The following ADAM10 variants were observed in gnomAD, a reference collection of about 807,000 sequenced individuals.
The protein encoded by ADAM10 is disintegrin and metalloproteinase domain-containing protein 10.
In ADAM10, 17 loss-of-function variants were observed where a neutral mutation model predicts 90.1. That is an observed-to-expected ratio of 0.19 (90% CI 0.13 to 0.28). ADAM10 has a LOEUF of 0.28. ADAM10 is among the 10% of genes least tolerant of loss of function. ADAM10 has a pLI of 1.00. For missense variants in ADAM10, 610 were observed against 914.3 expected (o/e 0.67, Z 4.29); for synonymous variants, 310 against 298.6 (o/e 1.04, Z -0.40).
At chr15:58,657,482 G>A (rs535978762) in intron 5 of ADAM10, among the ~76,000 whole-genome samples, 1 of 152,246 alleles carries the variant, frequency 6.6e-6, no homozygotes, top group African/African-American at 2.4e-5. Context: ...AAGAGACTCT[G>A]ATGCACTCTT....
intron 1 of ADAM10, among the ~76,000 whole-genome samples, chr15:58,718,723 GTTT>G (rs1898746025): frequency 6.6e-6 from 1 of 152,174 alleles, no homozygotes; most frequent in Non-Finnish European, 1.5e-5. Flanking sequence ...GCCTCAGGTA[GTTT>G]CCACATATGG....
intron 2 of ADAM10, among the ~76,000 whole-genome samples, chr15:58,700,680 G>A (rs1419508634): frequency 6.6e-6 from 1 of 151,978 alleles, no homozygotes; most frequent in Non-Finnish European, 1.5e-5. Flanking sequence ...AACTAGTAAA[G>A]CAAGAACAAA....
chr15:58,742,602 C>G (rs1405779856), intron 1 of ADAM10, among the ~76,000 whole-genome samples: 1 of 152,198 alleles, frequency 6.6e-6, no homozygotes, highest in Non-Finnish European at 1.5e-5. Context: ...GTCAGGCTAT[C>G]CTAATACTAA....
At chr15:58,669,569 G>A (rs1897149524) in intron 4 of ADAM10, among the ~76,000 whole-genome samples, 1 of 152,046 alleles carries the variant, frequency 6.6e-6, no homozygotes. Flanking sequence ...GTTTCCAAAT[G>A]CCCCCTCTCT....
At chr15:58,607,859 A>G (rs1185389782) in intron 14 of ADAM10, among the ~76,000 whole-genome samples, 1 of 152,192 alleles carries the variant, frequency 6.6e-6, no homozygotes, top group African/African-American at 2.4e-5. Context: ...GATACAGAAA[A>G]TCAGAACACA....
chr15:58,744,098 A>G (rs1282221350), intron 1 of ADAM10, among the ~76,000 whole-genome samples: 2 of 152,198 alleles, frequency 1.3e-5, no homozygotes, highest in Non-Finnish European at 2.9e-5. Flanking sequence ...CTGGTTATTC[A>G]TCAGTTTTTT....
intron 1 of ADAM10, chr15:58,748,355 G>A (rs1899858345): frequency 6.6e-6 from 1 of 152,174 alleles, no homozygotes; most frequent in Non-Finnish European, 1.5e-5. Context: ...CTCATCCAAA[G>A]CATTCCTCAA....
intron 15 of ADAM10, among the ~76,000 whole-genome samples, chr15:58,598,366 AT>A (rs1895014168): frequency 6.6e-6 from 1 of 152,220 alleles, no homozygotes; most frequent in South Asian, 2.1e-4. Context: ...AAATACTAAC[AT>A]AAGTTCCAGA....
chr15:58,647,248 A>ATTTCTTTT lies in ADAM10; in HGVS notation c.586-1045_586-1044insAAAAGAAA, dbSNP rs1162350060. Among the ~76,000 whole-genome samples, 46 of 59,600 alleles carry ATTTCTTTT rather than the reference A, an allele frequency of 7.7e-4. 5 individuals are homozygous for ATTTCTTTT. The highest frequency in any genetic ancestry group is 2.3e-3 in the African/African-American group (42 of 18,644). 39.1% of individuals were successfully genotyped at this position (59,600 alleles called of 152,430 possible). A position where few individuals can be genotyped will look rare whatever the true frequency, so the allele number is the denominator to read the frequency against. On this transcript the variant is annotated intron_variant, in intron 5 of 15. Coordinates refer to ENST00000260408, the MANE Select transcript of ADAM10 (RefSeq NM_001110.4). ...TGGCAGCAAAGAGTAGACACTAAGT[A>ATTTCTTTT]TTTTTTTTTTTTTTTTTTTTTTTTT... is the stretch of plus-strand genomic sequence containing the variant.
chr15:58,621,712 G>C (rs1241761589), intron 10 of ADAM10, 91 bp from the exon 11 acceptor site: 2 of 1,502,216 alleles, frequency 1.3e-6, no homozygotes, highest in African/African-American at 2.8e-5. Context: ...CATAACAAAG[G>C]GATAAAGGAA....
chr15:58,615,692 T>C (rs548870570), intron 11 of ADAM10, among the ~76,000 whole-genome samples: 42 of 152,248 alleles, frequency 2.8e-4, no homozygotes, highest in Admixed American at 4.6e-4. Context: ...CTGTATCAGA[T>C]AAAACAGATT....
chr15:58,712,739 T>C (rs1401984622), intron 2 of ADAM10, among the ~76,000 whole-genome samples: 3 of 151,794 alleles, frequency 2.0e-5, no homozygotes, highest in African/African-American at 4.8e-5. Flanking sequence ...GGCAGGACAA[T>C]GGCATGAACC....
chr15:58,701,966 C>T (rs1211277462), intron 2 of ADAM10, among the ~76,000 whole-genome samples: 1 of 151,900 alleles, frequency 6.6e-6, no homozygotes, highest in Non-Finnish European at 1.5e-5. Flanking sequence ...ATTAGCCAGG[C>T]GTGGCGGCGC....
intron 8 of ADAM10, among the ~76,000 whole-genome samples, chr15:58,639,549 G>A (rs540842241): frequency 2.0e-5 from 3 of 152,228 alleles, no homozygotes; most frequent in African/African-American, 7.2e-5. Context: ...AGAGTGAGCT[G>A]TACAATCTGC....
intron 2 of ADAM10, among the ~76,000 whole-genome samples, chr15:58,699,267 T>C (rs1898064254): frequency 6.6e-6 from 1 of 152,128 alleles, no homozygotes; most frequent in Admixed American, 6.5e-5. Context: ...TTGACACAAC[T>C]AGACCAACTG....
chr15:58,609,076 AT>A (rs748927889), intron 14 of ADAM10: 9 of 152,212 alleles, frequency 5.9e-5, no homozygotes, highest in Non-Finnish European at 1.2e-4. Context: ...AAGTCACAGA[AT>A]TGATAAACAC....
chr15:58,736,605 A>G (rs1394102715), intron 1 of ADAM10, among the ~76,000 whole-genome samples: 3 of 152,146 alleles, frequency 2.0e-5, no homozygotes, highest in Admixed American at 1.3e-4. Flanking sequence ...AAACAGAGGG[A>G]AAAAAATAAT....
intron 5 of ADAM10, 73 bp downstream of exon 5, chr15:58,665,024 T>A (rs543168869): frequency 1.5e-5 from 18 of 1,171,980 alleles, no homozygotes; most frequent in Non-Finnish European, 2.2e-5. Context: ...CTAGAACATA[T>A]ATTTTAAATG....
At chr15:58,608,003 T>G (rs567706335) in intron 14 of ADAM10, among the ~76,000 whole-genome samples, 1 of 152,358 alleles carries the variant, frequency 6.6e-6, no homozygotes, top group African/African-American at 2.4e-5. Flanking sequence ...AGATGACTCT[T>G]TGATAAATCC....
Sources: gnomAD v4.1 joint callset for allele counts (sites outside exome capture counted in the v4.1 genomes callset) on GRCh38, gnomAD v4.1.1 for gene constraint, MANE v1.5 for transcripts, NCBI Gene and HGNC (gene_info 2026-07-23, HGNC 2026-07-21) for gene names.